The following HHIPL1 variants were observed in gnomAD, a reference collection of about 807,000 sequenced individuals.
HHIPL1 encodes the protein HHIP-like protein 1.
HHIPL1 carries 43 observed loss-of-function variants against 61.8 expected under a neutral mutation model. That is an observed-to-expected ratio of 0.70 (90% CI 0.55 to 0.90). The LOEUF (loss-of-function observed/expected upper bound fraction) is 0.90, where lower values mean the gene tolerates loss of function less well. HHIPL1 is among the 40% of genes least tolerant of loss of function. The pLI, the probability that HHIPL1 is intolerant of heterozygous loss-of-function variation, is 0.00. For missense variants in HHIPL1, 1,056 were observed against 1,157.7 expected, an observed-to-expected ratio of 0.91 and a Z score of 1.28; for synonymous variants, 482 against 515.8, an observed-to-expected ratio of 0.93 and a Z score of 0.89.
the HHIPL1 span, among the ~76,000 whole-genome samples, chr14:99,621,217 G>C: frequency 2.2e-4 from 34 of 152,154 alleles, no homozygotes; most frequent in Non-Finnish European, 3.1e-4. Context: ...TCCCACCTCA[G>C]CCTCTCAAGT....
rs2056112183 is a variant in HHIPL1 at position 99,659,695 on chromosome 14, C to T, written c.1314C>T (p.Gly438=). The T allele has an allele frequency of 6.7e-7, 1 of 1,501,440 alleles. No individual in the cohort carries two copies. The highest frequency in any genetic ancestry group is 8.8e-7 in the Non-Finnish European group (1 of 1,130,784). 93.0% of individuals were successfully genotyped at this position (1,501,440 alleles called of 1,614,324 possible). Residue 438 remains glycine (G), a synonymous_variant, in exon 4 of 9, where the codon GGC becomes GGT. Transcript: ENST00000330710. ...VDVVERGGNY[G]WRAREGFECY... ...TGGTGGAGCGCGGCGGCAACTATGG[C>T]TGGCGCGCGCGCGAAGGGTTCGAGT...
the HHIPL1 span, among the ~76,000 whole-genome samples, chr14:99,620,999 T>A: frequency 3.3e-5 from 5 of 152,202 alleles, no homozygotes; most frequent in African/African-American, 9.6e-5. Flanking sequence ...GTGAACAAGC[T>A]AAGAGAGCAT....
chr14:99,656,982 G>T lies in HHIPL1; in HGVS notation c.903-18G>T. The T allele has an allele frequency of 1.3e-6, 2 of 1,579,958 alleles. No individual in the cohort carries two copies. Among genetic ancestry groups the T allele is most frequent in the Non-Finnish European group, 1.7e-6 (2 of 1,162,354 alleles). ...ATGCGTGGAAGGCTGAGTTTTAGGG[G>T]CCCTTATCTTCCTTTAGGATAATCC... is the stretch of plus-strand genomic sequence containing the variant. On this transcript the variant is annotated intron_variant, in intron 2 of 8. Coordinates refer to ENST00000330710, the MANE Select transcript of HHIPL1 (RefSeq NM_001127258.3).
At chr14:99,647,766 C>T (rs985140840) in intron 1 of HHIPL1, among the ~76,000 whole-genome samples, 1 of 152,174 alleles carries the variant, frequency 6.6e-6, no homozygotes, top group African/African-American at 2.4e-5. Context: ...GTGCCTTATT[C>T]ATAGGTCTCT....
chr14:99,619,461 CAAA>C, the HHIPL1 span, among the ~76,000 whole-genome samples: 52 of 106,760 alleles, frequency 4.9e-4, no homozygotes, highest in Admixed American at 1.3e-3. Flanking sequence ...GACTCCATCT[CAAA>C]AAAAAAAAAA....
Position 99,675,657 on chromosome 14 carries a change from C to A in HHIPL1, c.*31C>A. On this transcript the variant is annotated 3_prime_UTR_variant, in exon 9 of 9. Transcript: ENST00000330710. The surrounding 1 kb of genome is among the most constrained non-coding windows in gnomAD (Gnocchi z 5.4). ...ACGCCGCTGCCCCAGGCCATCCCGC[C>A]GGCGGGGGAGCCTGGCAGGGGCCGC... is the stretch of plus-strand genomic sequence containing the variant. The A allele has an allele frequency of 6.8e-7, 1 of 1,474,714 alleles. No homozygotes were observed. Among genetic ancestry groups the A allele is most frequent in the East Asian group, 2.5e-5 (1 of 39,538 alleles). The allele number at this position is 1,474,714 out of a possible 1,614,324, so 91.4% of individuals were successfully genotyped here.
Position 99,652,664 on chromosome 14 carries a change from C to T in HHIPL1, c.696C>T (p.Phe232=). 1 of 1,613,874 alleles carries T rather than the reference C, an allele frequency of 6.2e-7. No individual in the cohort carries two copies. Residue 232 remains phenylalanine, a synonymous_variant, in exon 2 of 9, where the codon TTC becomes TTT. Coordinates refer to ENST00000330710, the MANE Select transcript of HHIPL1 (RefSeq NM_001127258.3). ...ACCGCTCGAGGCTGGGGAAGCCTTT[C>T]CTGAACATCAGCCGGGTGGTGCTCA... ...LPDRSRLGKP[F]LNISRVVLTS...
chr14:99,637,978 C>T, the HHIPL1 span, among the ~76,000 whole-genome samples: 1 of 152,156 alleles, frequency 6.6e-6, no homozygotes, highest in Admixed American at 6.5e-5. Flanking sequence ...CACAGTTCTT[C>T]GTGTTTTAAA....
chr14:99,607,142 C>A, the HHIPL1 span, among the ~76,000 whole-genome samples: 2 of 146,480 alleles, frequency 1.4e-5, no homozygotes, highest in African/African-American at 5.0e-5. Flanking sequence ...AAGAGATCCT[C>A]CCACCTCAGC....
intron 7 of HHIPL1, 52 bp from the exon 8 acceptor site, chr14:99,672,265 T>A: frequency 1.1e-5 from 16 of 1,485,766 alleles, no homozygotes; most frequent in Non-Finnish European, 1.2e-5. Flanking sequence ...AAAGGCACCC[T>A]CAGGGTGGGC....
chr14:99,641,837 GGATATGCCTCGCTGTT>G (rs1291594684), upstream of HHIPL1, among the ~76,000 whole-genome samples: 1 of 152,096 alleles, frequency 6.6e-6, no homozygotes, highest in Non-Finnish European at 1.5e-5. Flanking sequence ...AGTTTGCATA[GGATATGCCTCGCTGTT>G]GATTTTTTGG....
chr14:99,665,076 G>A (rs2056221020), intron 6 of HHIPL1, among the ~76,000 whole-genome samples: 1 of 151,918 alleles, frequency 6.6e-6, no homozygotes, highest in African/African-American at 2.4e-5. Context: ...GGTGCGTGCC[G>A]CCACACCCGG....
rs1225152646 is a variant in HHIPL1 at position 99,678,082 on chromosome 14, T to A, written c.*2456T>A. 6.6e-6 allele frequency: 1 copy of A among 152,166 alleles called. No individual in the cohort carries two copies. Among genetic ancestry groups the A allele is most frequent in the African/African-American group, 2.4e-5 (1 of 41,420 alleles). The allele number at this position is 152,166 out of a possible 1,614,324, so 9.4% of individuals were successfully genotyped here. On this transcript the variant is annotated 3_prime_UTR_variant, in exon 9 of 9. Coordinates refer to ENST00000330710, the MANE Select transcript of HHIPL1 (RefSeq NM_001127258.3). The stretch of plus-strand genomic sequence containing the variant: ...TCAGGCATTAGATTCTCATAAGGAG[T>A]TCACAGCCTAGATCCCTCGCATGCA...
Position 99,657,138 on chromosome 14 carries a change from A to G in HHIPL1, c.1041A>G (p.Gln347=). ...GDPFGTFGNA[Q]NKSALLGKVL... is the part of the protein sequence containing the mutation. Reference sequence around the variant, plus strand: ...CCTTTGGGACATTTGGAAATGCCCAAAACAAGTATGTTCAGCTTTTGATTG... The same window carrying G: ...CCTTTGGGACATTTGGAAATGCCCAGAACAAGTATGTTCAGCTTTTGATTG... The change falls in exon 3 of 9, where the codon CAA becomes CAG. Residue 347 remains glutamine, a synonymous_variant. Transcript: ENST00000330710. 1 of 1,612,934 alleles carries G rather than the reference A, an allele frequency of 6.2e-7. No individual in the cohort carries two copies. The highest frequency in any genetic ancestry group is 8.5e-7 in the Non-Finnish European group (1 of 1,179,600).
chr14:99,616,969 G>A, the HHIPL1 span, among the ~76,000 whole-genome samples: 1 of 152,234 alleles, frequency 6.6e-6, no homozygotes, highest in Non-Finnish European at 1.5e-5. Flanking sequence ...GCTCTCATAG[G>A]AGCTGAGAAC....
chr14:99,659,717 G>A lies in HHIPL1; in HGVS notation c.1336G>A (p.Glu446Lys). The A allele has an allele frequency of 6.8e-7, 1 of 1,480,042 alleles. No individual in the cohort carries two copies. The allele number at this position is 1,480,042 out of a possible 1,614,324, so 91.7% of individuals were successfully genotyped here. ...TGGCTGGCGCGCGCGCGAAGGGTTCGAGTGCTACGACCGCAGCCTGTGCGC... is the reference window on the plus strand; with the variant it reads ...TGGCTGGCGCGCGCGCGAAGGGTTCAAGTGCTACGACCGCAGCCTGTGCGC... Reference protein sequence around the residue: ...NYGWRAREGFECYDRSLCANT... With the variant: ...NYGWRAREGFKCYDRSLCANT... The change falls in exon 4 of 9, where the codon GAG becomes AAG. Residue 446 changes from glutamate (E) to lysine (K), a missense_variant. By Grantham distance (56) the Glu-to-Lys change is moderately conservative. Transcript: ENST00000330710.
At chr14:99,642,089 G>A (rs1009964785), upstream of HHIPL1, among the ~76,000 whole-genome samples, 32 of 151,622 alleles carry the variant, frequency 2.1e-4, no homozygotes, top group African/African-American at 6.5e-4. Context: ...ACAGGCGCCC[G>A]TCACCATGCC....
At chr14:99,620,438 G>A in the HHIPL1 span, among the ~76,000 whole-genome samples, 3 of 152,240 alleles carry the variant, frequency 2.0e-5, no homozygotes, top group South Asian at 2.1e-4. Flanking sequence ...CCTTTTTCTC[G>A]CTCCCCATCC....
At chr14:99,651,230 CAGAG>C (rs2055925060) in intron 1 of HHIPL1, among the ~76,000 whole-genome samples, 1 of 151,978 alleles carries the variant, frequency 6.6e-6, no homozygotes, top group African/African-American at 2.4e-5. Flanking sequence ...GCCTTGGTGA[CAGAG>C]AGAAAGAGAG....
Sources: gnomAD v4.1 joint callset for allele counts (sites outside exome capture counted in the v4.1 genomes callset) on GRCh38, gnomAD v4.1.1 for gene constraint, Gnocchi (gnomAD v3.1) non-coding constraint, MANE v1.5 for transcripts, NCBI Gene and HGNC (gene_info 2026-07-23, HGNC 2026-07-21) for gene names.